SLC35F4: variants seen among roughly 807,000 people sequenced by gnomAD.
SLC35F4 encodes chromosome 14 open reading frame 36.
Under a neutral mutation model 44.2 loss-of-function variants are expected in SLC35F4, and 24 were observed. The ratio of observed to expected loss-of-function variants is 0.54; its 90% CI spans 0.39 to 0.76. The LOEUF is 0.76. Among genes scored for constraint, SLC35F4 ranks in the 30% least tolerant of loss-of-function variants. The probability of loss-of-function intolerance (pLI) is 0.00; values close to 1 mark genes in which losing one functional copy is unlikely to be tolerated. For synonymous variants in SLC35F4, 238 were observed against 223.6 expected (o/e 1.06, Z -0.57); for missense variants, 562 against 586.1 (o/e 0.96, Z 0.42).
rs527711398 is a variant in SLC35F4, at chr14:57,644,837, G to A, written c.104-50713C>T. Among the ~76,000 whole-genome samples the A allele has an allele frequency of 2.0e-3, 300 of 152,172 alleles. 1 individual carries two copies. Among genetic ancestry groups the A allele is most frequent in the Middle Eastern group, 6.8e-3 (2 of 294 alleles). ...GGGATCCAGTTTCAGCTTACTACAT[G>A]TGGCTAGCCAGTTTTCCCAGCACCA... On this transcript the variant is annotated intron_variant, in intron 1 of 7. Coordinates refer to ENST00000556826, the MANE Select transcript of SLC35F4 (RefSeq NM_001306087.2).
chr14:57,887,419 G>T (rs536593146), intron 1 of SLC35F4, among the ~76,000 whole-genome samples: 1 of 152,278 alleles, frequency 6.6e-6, no homozygotes, highest in African/African-American at 2.4e-5. Flanking sequence ...ACTGTTCTCT[G>T]CAACCATCCT....
intron 1 of SLC35F4, among the ~76,000 whole-genome samples, chr14:57,731,791 C>T (rs1208640158): frequency 1.3e-5 from 2 of 152,210 alleles, no homozygotes; most frequent in African/African-American, 4.8e-5. Flanking sequence ...GAGATTATAA[C>T]TTATTCTGAA....
At chr14:57,631,562 G>A (rs533918215) in intron 1 of SLC35F4, among the ~76,000 whole-genome samples, 2 of 152,122 alleles carry the variant, frequency 1.3e-5, no homozygotes, top group African/African-American at 2.4e-5. Flanking sequence ...TGCCTGCCTC[G>A]TTATGAGGGA....
rs556264991 is a variant in SLC35F4, at chr14:57,942,803, G to A, written n.282+39110C>T. ...GATTGCTCTCACAATGAAAATGTAG[G>A]TAGGGTTTTGTCATTTACCAAGCAA... On this transcript the variant is annotated intron_variant and non_coding_transcript_variant, in intron 1 of 1. Coordinates refer to the SLC35F4 transcript ENST00000556568. Among the ~76,000 whole-genome samples the A allele has an allele frequency of 1.2e-3, 177 of 152,280 alleles. 1 individual carries two copies. The South Asian group carries it at 0.035, about 30-fold the overall frequency.
At chr14:57,608,983 T>A (rs562895795) in intron 1 of SLC35F4, among the ~76,000 whole-genome samples, 116 of 151,976 alleles carry the variant, frequency 7.6e-4, no homozygotes, top group African/African-American at 2.7e-3. Context: ...AAGTGGGAGA[T>A]GAGAAAGCGC....
chr14:57,764,557 T>C (rs968965785), intron 1 of SLC35F4, among the ~76,000 whole-genome samples: 7 of 152,230 alleles, frequency 4.6e-5, no homozygotes, highest in African/African-American at 1.4e-4. Context: ...GAATTCTAAA[T>C]TGCCTTTTTA....
intron 1 of SLC35F4, among the ~76,000 whole-genome samples, chr14:57,846,320 C>T (rs1173122154): frequency 6.6e-6 from 1 of 152,130 alleles, no homozygotes; most frequent in Admixed American, 6.5e-5. Context: ...AGTCATAAAC[C>T]CAGTGGGATT....
chr14:57,825,072 A>G (rs1031959089), intron 1 of SLC35F4, among the ~76,000 whole-genome samples: 3 of 151,998 alleles, frequency 2.0e-5, no homozygotes, highest in African/African-American at 7.2e-5. Flanking sequence ...GTCAGTTTGG[A>G]ATATATTTTG....
chr14:57,615,467 A>C (rs1264343178), intron 1 of SLC35F4, among the ~76,000 whole-genome samples: 1 of 152,124 alleles, frequency 6.6e-6, no homozygotes, highest in East Asian at 1.9e-4. Context: ...AAACTTATGT[A>C]CTGGCTTTTG....
chr14:57,670,420 T>A (rs2074474556), intron 1 of SLC35F4, among the ~76,000 whole-genome samples: 1 of 152,206 alleles, frequency 6.6e-6, no homozygotes, highest in African/African-American at 2.4e-5. Context: ...TTAATTGTGA[T>A]GTTAGGGTGT....
At chr14:57,838,378 C>T (rs1885155514) in intron 1 of SLC35F4, among the ~76,000 whole-genome samples, 1 of 152,184 alleles carries the variant, frequency 6.6e-6, no homozygotes. Flanking sequence ...AAACTATCTT[C>T]TAGTCAGGGG....
intron 1 of SLC35F4, among the ~76,000 whole-genome samples, chr14:57,951,098 G>A (rs539803470): frequency 1.3e-5 from 2 of 152,198 alleles, no homozygotes; most frequent in East Asian, 3.9e-4. Context: ...TCCAACTGAG[G>A]CACCTGGCTC....
chr14:57,594,165 A>G (rs776270315), intron 1 of SLC35F4, 41 bp from the exon 2 acceptor site: 4 of 1,539,226 alleles, frequency 2.6e-6, no homozygotes, highest in Non-Finnish European at 3.5e-6. Context: ...AACTGCCTGA[A>G]CAAATTGGAA....
intron 1 of SLC35F4, among the ~76,000 whole-genome samples, chr14:57,636,030 G>A (rs1023901466): frequency 2.0e-5 from 3 of 152,126 alleles, no homozygotes; most frequent in Non-Finnish European, 4.4e-5. Context: ...GCTGGAGTAG[G>A]TTTTGTATGC....
At chr14:57,738,441 G>A (rs1267788576) in intron 1 of SLC35F4, among the ~76,000 whole-genome samples, 2 of 151,968 alleles carry the variant, frequency 1.3e-5, no homozygotes, top group Non-Finnish European at 2.9e-5. Flanking sequence ...TTCTCCATTT[G>A]ATTCTCACTT....
chr14:57,779,472 GAAATT>G (rs2077567034), intron 1 of SLC35F4, among the ~76,000 whole-genome samples: 1 of 151,482 alleles, frequency 6.6e-6, no homozygotes, highest in Non-Finnish European at 1.5e-5. Flanking sequence ...AACAAGCTCT[GAAATT>G]AAATCAGTAA....
At chr14:57,648,416 TA>T (rs2073637417) in intron 1 of SLC35F4, among the ~76,000 whole-genome samples, 1 of 152,180 alleles carries the variant, frequency 6.6e-6, no homozygotes, top group South Asian at 2.1e-4. Flanking sequence ...CAATTTCAAA[TA>T]AACATAAAAT....
chr14:57,880,099 AGGAAGGAAGGAC>A (rs1888500273), intron 1 of SLC35F4, among the ~76,000 whole-genome samples: 2 of 121,148 alleles, frequency 1.7e-5, no homozygotes, highest in African/African-American at 6.0e-5. Context: ...GAAGGAAGGA[AGGAAGGAAGGAC>A]AGTAGATCTT....
intron 6 of SLC35F4, among the ~76,000 whole-genome samples, chr14:57,566,996 A>G (rs893233960): frequency 3.3e-5 from 5 of 152,244 alleles, no homozygotes; most frequent in Admixed American, 6.5e-5. Flanking sequence ...AGGAAGGTCT[A>G]TCCAATGATA....
Sources: gnomAD v4.1 joint callset for allele counts (sites outside exome capture counted in the v4.1 genomes callset) on GRCh38, gnomAD v4.1.1 for gene constraint, MANE v1.5 for transcripts, NCBI Gene and HGNC (gene_info 2026-07-23, HGNC 2026-07-21) for gene names.